ITIH6: variants seen among roughly 807,000 people sequenced by gnomAD.
The protein encoded by ITIH6 is inter-alpha-trypsin inhibitor heavy chain H6.
ITIH6 carries 60 observed loss-of-function variants against 58.2 expected under a neutral mutation model. That is an observed-to-expected ratio of 1.03 (90% CI 0.84 to 1.28). The LOEUF (loss-of-function observed/expected upper bound fraction) is 1.28. Ranked by LOEUF, ITIH6 falls within the 50% of genes most tolerant of loss-of-function variation. The probability of loss-of-function intolerance (pLI) is 0.00; values close to 1 mark genes in which losing one functional copy is unlikely to be tolerated. For missense variants in ITIH6, 1,290 were observed against 1,021.1 expected (o/e 1.26, Z -3.59); for synonymous variants, 493 against 417.4 (o/e 1.18, Z -2.21).
rs187606375 is a variant in ITIH6 at position 54,784,814 on chromosome X, A to G, written c.786+3666T>C. On this transcript the variant is annotated intron_variant, in intron 5 of 12. Transcript: ENST00000218436. ...TCAATAAACTAAAAATTAGGGCTTCATCATACAATCCGGCCATTCCACTTC... is the reference window on the plus strand; with the variant it reads ...TCAATAAACTAAAAATTAGGGCTTCGTCATACAATCCGGCCATTCCACTTC... 1.3e-3 allele frequency among the ~76,000 whole-genome samples: 140 copies of G among 111,929 alleles called. No homozygotes were observed. In the Middle Eastern group the frequency reaches 0.014, roughly 11 times the overall value.
intron 10 of ITIH6, 46 bp downstream of exon 10, chrX:54,753,884 G>T: frequency 8.5e-7 from 1 of 1,181,489 alleles, no homozygotes; most frequent in Non-Finnish European, 1.2e-6. Context: ...CAGTGCACAA[G>T]CTGCCCTGTA....
intron 4 of ITIH6, among the ~76,000 whole-genome samples, chrX:54,789,588 C>G (rs1211346936): frequency 8.9e-6 from 1 of 112,187 alleles, no homozygotes; most frequent in East Asian, 2.8e-4. Context: ...GCGGCCTGCC[C>G]GGACTCAAAT....
At position 54,749,184 on chromosome X, in the gene ITIH6, ACAAATAT is replaced by A. The variant is rs1928299735; in HGVS notation, c.*704_*710del. The A allele has an allele frequency of 9.0e-6, 1 of 111,702 alleles. No individual in the cohort carries two copies. The allele number at this position is 111,702 out of a possible 1,213,427, so 9.2% of individuals were successfully genotyped here. On this transcript the variant is annotated 3_prime_UTR_variant, in exon 13 of 13. Transcript: ENST00000218436. ...GTTAATTAATTAATTCATTCTTTTAACAAATATTTACTAAGCACCTATTATGTGAGAG... is the reference window on the plus strand; with the variant it reads ...GTTAATTAATTAATTCATTCTTTTAATTACTAAGCACCTATTATGTGAGAG...
At position 54,755,034 on chromosome X, in the gene ITIH6, G is replaced by T; in HGVS notation, c.3185C>A (p.Ser1062Tyr). Reference sequence around the variant, plus strand: ...TTGCTCACCTTTTGCTAACCCCACAGAACTTCCTTGAGATTCCATGCTGCC... The same window carrying T: ...TTGCTCACCTTTTGCTAACCCCACATAACTTCCTTGAGATTCCATGCTGCC... ...AGGSMESQGS[S>Y]VGLAKGTLPS... Residue 1062 changes from serine (S) to tyrosine (Y), a missense_variant, in exon 9 of 13, where the codon TCT becomes TAT. Physicochemically the swap from Ser to Tyr is moderately radical, Grantham distance 144. Transcript: ENST00000218436. 1.7e-6 allele frequency: 2 copies of T among 1,209,819 alleles called. No homozygotes were observed. The highest frequency in any genetic ancestry group is 1.8e-5 in the South Asian group (1 of 56,870).
At chrX:54,762,213 G>T (rs924322619) in intron 6 of ITIH6, among the ~76,000 whole-genome samples, 3 of 111,462 alleles carry the variant, frequency 2.7e-5, no homozygotes, top group African/African-American at 9.8e-5. Context: ...GTGACTGGGA[G>T]TTCACTCATG....
intron 5 of ITIH6, among the ~76,000 whole-genome samples, chrX:54,783,361 A>G (rs923591529): frequency 1.8e-5 from 2 of 112,045 alleles, no homozygotes; most frequent in African/African-American, 6.5e-5. Context: ...AGAGAAAGAA[A>G]TAAAGGGCAT....
intron 9 of ITIH6, among the ~76,000 whole-genome samples, 181 bp downstream of exon 9, chrX:54,754,836 T>A (rs1928454546): frequency 1.8e-5 from 2 of 112,542 alleles, no homozygotes; most frequent in Admixed American, 9.4e-5. Context: ...GACTACTGAC[T>A]AACAGAACTG....
rs200164347 is a variant in ITIH6 at position 54,797,077 on chromosome X, G to A, written c.122C>T (p.Ser41Phe). The A allele has an allele frequency of 8.3e-7, 1 of 1,208,313 alleles. No homozygotes were observed. The highest frequency in any genetic ancestry group is 1.7e-5 in the African/African-American group (1 of 57,185). ...SSTKLLMTSY[S>F]MRSTVVSRYA... The stretch of plus-strand genomic sequence containing the variant: ...GCGAGACACCACCGTGGAGCGCATA[G>A]AATAGCTTGTCATTAACAACTGAGA... Residue 41 changes from serine (S) to phenylalanine (F), a missense_variant, in exon 2 of 13, where the codon TCT (serine) becomes TTT (phenylalanine). Transcript: ENST00000218436.
At chrX:54,786,044 G>A (rs1212946510) in intron 5 of ITIH6, among the ~76,000 whole-genome samples, 1 of 111,669 alleles carries the variant, frequency 9.0e-6, no homozygotes. Flanking sequence ...TGTGCCCCAG[G>A]ATGTTTCAAG....
intron 6 of ITIH6, among the ~76,000 whole-genome samples, chrX:54,768,543 C>T (rs1465117418): frequency 9.7e-6 from 1 of 103,014 alleles, no homozygotes; most frequent in Non-Finnish European, 2.0e-5. Context: ...TTGTTCCTTT[C>T]CATGTTTAGT....
intron 6 of ITIH6, among the ~76,000 whole-genome samples, chrX:54,762,765 A>C (rs748383589): frequency 8.9e-6 from 1 of 111,983 alleles, no homozygotes; most frequent in Non-Finnish European, 1.9e-5. Context: ...AGGGCTTATA[A>C]TGTTGCTGCT....
chrX:54,751,420 G>A, intron 11 of ITIH6, 40 bp from the exon 12 acceptor site: 1 of 1,189,755 alleles, frequency 8.4e-7, no homozygotes, highest in South Asian at 1.9e-5. Context: ...GGGGGCTTTT[G>A]CATGGTCATT....
intron 6 of ITIH6, 42 bp from the exon 7 acceptor site, chrX:54,759,969 G>A: frequency 9.3e-7 from 1 of 1,073,042 alleles, no homozygotes; most frequent in Non-Finnish European, 1.3e-6. Context: ...GACAAGACTT[G>A]AGGTCTATGA....
At position 54,791,912 on chromosome X, in the gene ITIH6, G is replaced by A; in HGVS notation, c.368+14C>T. 1 of 956,716 alleles carries A rather than the reference G, an allele frequency of 1.0e-6. No individual in the cohort carries two copies. The highest frequency in any genetic ancestry group is 3.1e-5 in the East Asian group (1 of 32,583). 78.8% of individuals were successfully genotyped at this position (956,716 alleles called of 1,213,427 possible). ...AGATGATTAAGTCATGTTTTGGACTGGATGGGGCCTTACCTGATGCCTACA... is the reference window on the plus strand; with the variant it reads ...AGATGATTAAGTCATGTTTTGGACTAGATGGGGCCTTACCTGATGCCTACA... On this transcript the variant is annotated intron_variant, in intron 3 of 12. Coordinates refer to ENST00000218436, the MANE Select transcript of ITIH6 (RefSeq NM_198510.3).
intron 5 of ITIH6, among the ~76,000 whole-genome samples, chrX:54,779,806 C>A (rs1424054675): frequency 9.0e-6 from 1 of 110,635 alleles, no homozygotes; most frequent in Non-Finnish European, 1.9e-5. Flanking sequence ...AAAAACATTT[C>A]ATCTATAAGA....
chrX:54,788,670 G>A (rs751854078), intron 4 of ITIH6, 21 bp from the exon 5 acceptor site: 4 of 1,177,828 alleles, frequency 3.4e-6, no homozygotes, highest in Admixed American at 2.2e-5. Context: ...GGGGAGGATC[G>A]GGGCGGGGTG....
At chrX:54,761,192 T>C in intron 6 of ITIH6, among the ~76,000 whole-genome samples, 1 of 112,573 alleles carries the variant, frequency 8.9e-6, no homozygotes, top group Non-Finnish European at 1.9e-5. Context: ...TGGCCAGTGA[T>C]GATGAGCATT....
At chrX:54,781,109 T>G (rs1202025971) in intron 5 of ITIH6, among the ~76,000 whole-genome samples, 2 of 111,334 alleles carry the variant, frequency 1.8e-5, no homozygotes, top group African/African-American at 6.5e-5. Context: ...GTTTAAAAAC[T>G]TAAACGTAAA....
At chrX:54,770,742 G>C (rs959171489) in intron 6 of ITIH6, among the ~76,000 whole-genome samples, 2 of 112,031 alleles carry the variant, frequency 1.8e-5, no homozygotes, top group African/African-American at 6.5e-5. Flanking sequence ...TATCTGTTAG[G>C]TCAGTTAATA....
Sources: allele counts gnomAD v4.1 joint callset (sites outside exome capture counted in the v4.1 genomes callset), GRCh38; gene constraint gnomAD v4.1.1; transcripts MANE v1.5; gene names NCBI Gene and HGNC (gene_info 2026-07-23, HGNC 2026-07-21).